Variants in ASH1L observed in about 807,000 individuals in gnomAD.
ASH1L encodes the protein histone-lysine N-methyltransferase ASH1L.
Under a neutral mutation model 269.0 loss-of-function variants are expected in ASH1L, and 23 were observed. That is an observed-to-expected ratio of 0.09 (90% CI 0.06 to 0.12). The LOEUF (loss-of-function observed/expected upper bound fraction) is 0.12, where lower values mean the gene tolerates loss of function less well. Ranked by LOEUF, ASH1L falls within the 10% of genes least tolerant of loss-of-function variation. The probability of loss-of-function intolerance (pLI) is 1.00; values close to 1 mark genes in which losing one functional copy is unlikely to be tolerated. For synonymous variants in ASH1L, 1,187 were observed against 1,253.5 expected, an observed-to-expected ratio of 0.95 and a Z score of 1.12; for missense variants, 2,912 against 3,567.8, an observed-to-expected ratio of 0.82 and a Z score of 4.68.
intron 12 of ASH1L, among the ~76,000 whole-genome samples, chr1:155,363,432 CAG>C (rs1215329285): frequency 6.6e-6 from 1 of 151,412 alleles, no homozygotes; most frequent in Non-Finnish European, 1.5e-5. Context: ...TTAGTAAAGA[CAG>C]GGTTTAGCCA....
At chr1:155,406,649 G>C (rs1245521768) in intron 6 of ASH1L, among the ~76,000 whole-genome samples, 1 of 152,152 alleles carries the variant, frequency 6.6e-6, no homozygotes, top group African/African-American at 2.4e-5. Context: ...GCTGAAGTGA[G>C]CTGTTTGTGC....
rs41264239 is a variant in ASH1L at position 155,562,239 on chromosome 1, C to T, written c.-186G>A. On this transcript the variant is annotated 5_prime_UTR_variant, in exon 1 of 28. Coordinates refer to ENST00000392403, the MANE Select transcript of ASH1L (RefSeq NM_018489.3). ...GGTGGCCGCCAGGCTCCTCCGCTTC[C>T]CTGGGTCCACGGCGGATCCCTCCCG... The T allele has an allele frequency of 1.9e-6, 3 of 1,610,026 alleles. No individual in the cohort carries two copies. The highest frequency in any genetic ancestry group is 1.3e-5 in the African/African-American group (1 of 74,860).
chr1:155,481,693 C>T lies in ASH1L; in HGVS notation c.1177G>A (p.Ala393Thr), dbSNP rs762446404. 11 of 1,614,154 alleles carry T rather than the reference C, an allele frequency of 6.8e-6. No homozygotes were observed. Among genetic ancestry groups the T allele is most frequent in the Non-Finnish European group, 9.3e-6 (11 of 1,180,014 alleles). The part of the protein sequence containing the change: ...VAKDCAKKIV[A>T]SSAMGLVNKD... Reference sequence around the variant, plus strand: ...TTAACCAATCCCATTGCTGAACTTGCTACAATCTTCTTTGCACAGTCCTTG... The same window carrying T: ...TTAACCAATCCCATTGCTGAACTTGTTACAATCTTCTTTGCACAGTCCTTG... Residue 393 changes from alanine to threonine, a missense_variant, in exon 3 of 28, where the codon GCA (alanine) becomes ACA (threonine). By Grantham distance (58) the Ala-to-Thr change is moderately conservative. Around this residue, in one of 13 missense-constraint regions of ASH1L, gnomAD observed 277 missense variants for 367.7 expected, o/e 0.75. Coordinates refer to ENST00000392403, the MANE Select transcript of ASH1L (RefSeq NM_018489.3).
intron 4 of ASH1L, among the ~76,000 whole-genome samples, chr1:155,454,357 C>T (rs557057799): frequency 6.6e-6 from 1 of 152,282 alleles, no homozygotes; most frequent in Admixed American, 6.5e-5. Context: ...CTCCTCTTCT[C>T]CCACTTACCT....
intron 1 of ASH1L, among the ~76,000 whole-genome samples, chr1:155,530,555 G>A (rs889307431): frequency 7.9e-5 from 11 of 138,670 alleles, no homozygotes; most frequent in African/African-American, 1.3e-4. Flanking sequence ...GTGAAACCCC[G>A]TCTCTACTAA....
intron 3 of ASH1L, among the ~76,000 whole-genome samples, chr1:155,474,611 A>G (rs1665385979): frequency 6.6e-6 from 1 of 152,162 alleles, no homozygotes; most frequent in South Asian, 2.1e-4. Flanking sequence ...TGAGGCTGGA[A>G]AATGGCTTGA....
chr1:155,502,581 G>T (rs1051272165), intron 2 of ASH1L, among the ~76,000 whole-genome samples: 1 of 152,158 alleles, frequency 6.6e-6, no homozygotes, highest in African/African-American at 2.4e-5. Flanking sequence ...CACTGAAGGA[G>T]CCAAAGAAAT....
At chr1:155,389,464 G>A (rs1558055753) in intron 7 of ASH1L, among the ~76,000 whole-genome samples, 1 of 152,044 alleles carries the variant, frequency 6.6e-6, no homozygotes, top group African/African-American at 2.4e-5. Context: ...CTTAAGGTTA[G>A]GAGTCTGAGA....
chr1:155,497,997 C>T lies in ASH1L; in HGVS notation c.421-15548G>A, dbSNP rs1310419612. ...TCGATCTCCTGACCTTGAGATCCAC[C>T]CGCCTCGGCCTCCCAAAGTGCTGGG... On this transcript the variant is annotated intron_variant, in intron 2 of 27. Coordinates refer to ENST00000392403, the MANE Select transcript of ASH1L (RefSeq NM_018489.3). Among the ~76,000 whole-genome samples, 3 of 152,020 alleles carry T rather than the reference C, an allele frequency of 2.0e-5. No individual in the cohort carries two copies. In the East Asian group the frequency reaches 5.8e-4, roughly 29 times the overall value.
chr1:155,366,916 T>A (rs1052803661), intron 12 of ASH1L, among the ~76,000 whole-genome samples: 1 of 151,772 alleles, frequency 6.6e-6, no homozygotes, highest in Non-Finnish European at 1.5e-5. Context: ...CCTCAGGCAA[T>A]CTGTGCATCT....
intron 1 of ASH1L, among the ~76,000 whole-genome samples, chr1:155,560,330 G>A (rs1365590908): frequency 6.6e-6 from 1 of 152,134 alleles, no homozygotes; most frequent in Non-Finnish European, 1.5e-5. Flanking sequence ...CACTCATCTA[G>A]CCTATCAAGA....
At chr1:155,355,110 C>T (rs1035723230) in intron 15 of ASH1L, among the ~76,000 whole-genome samples, 1 of 152,164 alleles carries the variant, frequency 6.6e-6, no homozygotes, top group South Asian at 2.1e-4. Flanking sequence ...GGCTGGAGTA[C>T]AGTGGCATGA....
intron 1 of ASH1L, among the ~76,000 whole-genome samples, chr1:155,532,002 CAGGGGCA>C (rs1669706261): frequency 6.6e-6 from 1 of 152,154 alleles, no homozygotes; most frequent in Non-Finnish European, 1.5e-5. Flanking sequence ...GTTTTCCATC[CAGGGGCA>C]AGGATGCCAT....
chr1:155,445,504 T>C (rs990329535), intron 4 of ASH1L, among the ~76,000 whole-genome samples: 1 of 151,812 alleles, frequency 6.6e-6, no homozygotes, highest in Admixed American at 6.6e-5. Flanking sequence ...TTTTTAATAA[T>C]TAAAAAAAAA....
intron 2 of ASH1L, 65 bp downstream of exon 2, chr1:155,521,035 G>C: frequency 2.7e-6 from 4 of 1,455,356 alleles, no homozygotes; most frequent in Non-Finnish European, 3.7e-6. Context: ...ACATATATAG[G>C]ATAAAAATTA....
intron 3 of ASH1L, among the ~76,000 whole-genome samples, chr1:155,471,200 G>C (rs1267991232): frequency 2.0e-5 from 3 of 152,134 alleles, no homozygotes; most frequent in Admixed American, 1.3e-4. Flanking sequence ...ATTAACAAAA[G>C]AATTTAGACT....
intron 3 of ASH1L, among the ~76,000 whole-genome samples, chr1:155,468,801 A>G (rs1436947560): frequency 1.3e-5 from 2 of 152,210 alleles, no homozygotes; most frequent in African/African-American, 4.8e-5. Context: ...CGAGAAGATC[A>G]CTTAAAAATC....
At chr1:155,338,519 T>C (rs542011555) in intron 26 of ASH1L, 129 bp from the exon 27 acceptor site, 3 of 690,734 alleles carry the variant, frequency 4.3e-6, no homozygotes, top group South Asian at 4.7e-5. Flanking sequence ...GGTAAGAAAC[T>C]TGACTCTCGT....
chr1:155,560,518 A>C (rs746666343), intron 1 of ASH1L, among the ~76,000 whole-genome samples: 1 of 152,146 alleles, frequency 6.6e-6, no homozygotes, highest in Non-Finnish European at 1.5e-5. Context: ...ACCCAAAAAC[A>C]GTTCTCTGGT....
Sources: gnomAD v4.1 joint callset for allele counts (sites outside exome capture counted in the v4.1 genomes callset) on GRCh38, gnomAD v4.1.1 for gene constraint, gnomAD v4.1.1 regional missense constraint, MANE v1.5 for transcripts, NCBI Gene and HGNC (gene_info 2026-07-23, HGNC 2026-07-21) for gene names.